Variants in NGEF observed in about 807,000 individuals in gnomAD.
NGEF encodes neuronal guanine nucleotide exchange factor.
In NGEF, 31 loss-of-function variants were observed where a neutral mutation model predicts 80.9. The observed-to-expected ratio is 0.38, with a 90% CI of 0.29 to 0.52. NGEF has a LOEUF of 0.52. Ranked by LOEUF, NGEF falls within the 20% of genes least tolerant of loss-of-function variation. The pLI, the probability that NGEF is intolerant of heterozygous loss-of-function variation, is 0.84. For missense variants in NGEF, 709 were observed against 926.2 expected (o/e 0.77, Z 3.04); for synonymous variants, 371 against 370.2 (o/e 1.00, Z -0.03).
chr2:232,994,079 T>C (rs1694727431), intron 1 of NGEF, among the ~76,000 whole-genome samples: 1 of 152,112 alleles, frequency 6.6e-6, no homozygotes, highest in South Asian at 2.1e-4. Flanking sequence ...CCCAATAAAA[T>C]TGATATTAGG....
intron 3 of NGEF, among the ~76,000 whole-genome samples, chr2:232,951,804 T>G (rs1032772068): frequency 6.6e-6 from 1 of 152,218 alleles, no homozygotes; most frequent in African/African-American, 2.4e-5. Flanking sequence ...CATGGGTTCT[T>G]GTACTGCATG....
intron 5 of NGEF, among the ~76,000 whole-genome samples, chr2:232,911,002 A>G (rs1021146781): frequency 6.6e-6 from 1 of 152,236 alleles, no homozygotes; most frequent in Non-Finnish European, 1.5e-5. Context: ...AACTCTGATC[A>G]AGACCAACTG....
intron 3 of NGEF, among the ~76,000 whole-genome samples, chr2:232,942,524 C>G (rs1042367757): frequency 6.6e-6 from 1 of 152,212 alleles, no homozygotes; most frequent in African/African-American, 2.4e-5. Flanking sequence ...ACGTAAATCT[C>G]TCTTTCCTAC....
intron 5 of NGEF, chr2:232,905,758 T>C (rs9752212): frequency 0.77 from 279,251 of 363,654 alleles, 108,149 homozygotes; most frequent in African/African-American, 0.83. Context: ...CCCACCGCCC[T>C]GTCTGGGATG....
intron 9 of NGEF, among the ~76,000 whole-genome samples, chr2:232,886,957 C>T (rs1410363044): frequency 1.3e-5 from 2 of 152,172 alleles, no homozygotes; most frequent in Non-Finnish European, 2.9e-5. Flanking sequence ...CTAGGCACAG[C>T]GTGTAACTGC....
chr2:232,901,514 T>C (rs1346515183), intron 5 of NGEF: 2 of 890,196 alleles, frequency 2.2e-6, no homozygotes, highest in Non-Finnish European at 2.7e-6. Context: ...TTGTTGCAGC[T>C]GCGTCACCAG....
intron 8 of NGEF, among the ~76,000 whole-genome samples, chr2:232,889,093 C>T (rs955839039): frequency 6.6e-6 from 1 of 152,194 alleles, no homozygotes; most frequent in Non-Finnish European, 1.5e-5. Flanking sequence ...CCCGCCTCTG[C>T]CTGGCAGCCA....
intron 5 of NGEF, among the ~76,000 whole-genome samples, chr2:232,919,783 A>G (rs2106275361): frequency 6.6e-6 from 1 of 152,324 alleles, no homozygotes; most frequent in Middle Eastern, 3.4e-3. Context: ...TTTCTGCAGC[A>G]TTTCAGGAGC....
intron 8 of NGEF, among the ~76,000 whole-genome samples, chr2:232,888,484 C>T (rs1559192712): frequency 6.6e-6 from 1 of 152,000 alleles, no homozygotes; most frequent in Non-Finnish European, 1.5e-5. Flanking sequence ...AGTGCACACA[C>T]ATGTACACAC....
At chr2:233,003,367 T>A (rs971699751) in intron 1 of NGEF, among the ~76,000 whole-genome samples, 8 of 152,162 alleles carry the variant, frequency 5.3e-5, no homozygotes, top group East Asian at 1.9e-4. Flanking sequence ...TTCTGATCCT[T>A]CCTGAATTCT....
intron 1 of NGEF, among the ~76,000 whole-genome samples, chr2:232,975,186 C>T (rs1196954368): frequency 6.6e-6 from 1 of 152,170 alleles, no homozygotes; most frequent in Non-Finnish European, 1.5e-5. Context: ...TCCTAAGAGG[C>T]ACTTTTAGGG....
intron 5 of NGEF, among the ~76,000 whole-genome samples, chr2:232,915,867 T>C (rs1395204075): frequency 6.6e-6 from 1 of 152,038 alleles, no homozygotes; most frequent in Non-Finnish European, 1.5e-5. Context: ...ATTTTTGTAT[T>C]TTTAGTAGAG....
chr2:232,902,361 A>T lies in NGEF; in HGVS notation c.829-7445T>A, dbSNP rs1407409274. ...GCCCGAGCCCAGCCCGCTGCAGCGC[A>T]GTCTTTAGTGAATTCGAGGCCGGAC... On this transcript the variant is annotated intron_variant, in intron 5 of 14. Transcript: ENST00000264051. 3.9e-5 allele frequency among the ~76,000 whole-genome samples: 6 copies of T among 152,206 alleles called. No homozygotes were observed. In the East Asian group the frequency reaches 1.2e-3, roughly 29 times the overall value.
intron 5 of NGEF, among the ~76,000 whole-genome samples, chr2:232,897,713 G>C (rs777019833): frequency 1.1e-4 from 16 of 152,238 alleles, no homozygotes; most frequent in Non-Finnish European, 1.9e-4. Flanking sequence ...CCCAGTGTCT[G>C]CACCTCACTT....
chr2:232,968,429 G>A (rs1442385753), intron 3 of NGEF, among the ~76,000 whole-genome samples: 35 of 148,064 alleles, frequency 2.4e-4, no homozygotes, highest in Non-Finnish European at 3.3e-4. Context: ...TTTTTGAGAC[G>A]GAGTCTCGCT....
chr2:232,988,036 CGTGTGTGTGTGTGTGTGT>C lies in NGEF; in HGVS notation c.-74-13090_-74-13073del, dbSNP rs57143286. Among the ~76,000 whole-genome samples, 906 of 140,358 alleles carry C rather than the reference CGTGTGTGTGTGTGTGTGT, an allele frequency of 6.5e-3. 16 individuals carry two copies. The highest frequency in any genetic ancestry group is 0.022 in the African/African-American group (860 of 38,352). The allele number at this position is 140,358 out of a possible 152,430, so 92.1% of individuals were successfully genotyped here. Reference sequence around the variant, plus strand: ...GTCACCCTTCTGGAAGGGATGGTCTCGTGTGTGTGTGTGTGTGTGTGTGTGTGTGTGTGTGTGTGTGTG... The same window carrying C: ...GTCACCCTTCTGGAAGGGATGGTCTCGTGTGTGTGTGTGTGTGTGTGTGTG... On this transcript the variant is annotated intron_variant, in intron 1 of 14. Coordinates refer to ENST00000264051, the MANE Select transcript of NGEF (RefSeq NM_019850.3).
intron 1 of NGEF, among the ~76,000 whole-genome samples, chr2:233,007,698 T>C (rs10933424): frequency 0.1 from 15,204 of 152,254 alleles, 821 homozygotes; most frequent in Non-Finnish European, 0.11. Flanking sequence ...TGATTTTAGA[T>C]TGAGCATCCA....
Position 232,919,144 on chromosome 2 carries a change from A to C in NGEF, c.828+1140T>G, listed in dbSNP as rs141296884. On this transcript the variant is annotated intron_variant, in intron 5 of 14. Coordinates refer to ENST00000264051, the MANE Select transcript of NGEF (RefSeq NM_019850.3). ...CCATTCATCGCAAAACCCAAGTCTCAGGTATATGATGCTGGTCAGGAACAA... is the reference window on the plus strand; with the variant it reads ...CCATTCATCGCAAAACCCAAGTCTCCGGTATATGATGCTGGTCAGGAACAA... Among the ~76,000 whole-genome samples, 595 of 152,306 alleles carry C rather than the reference A, an allele frequency of 3.9e-3. 3 individuals are homozygous for C. Among genetic ancestry groups the C allele is most frequent in the African/African-American group, 0.014 (575 of 41,556 alleles).
At chr2:232,962,936 T>A (rs184610674) in intron 3 of NGEF, among the ~76,000 whole-genome samples, 8 of 152,088 alleles carry the variant, frequency 5.3e-5, no homozygotes, top group African/African-American at 1.7e-4. Flanking sequence ...CCTTGTGGAA[T>A]GACTAAGTCA....
Sources: gnomAD v4.1 joint callset for allele counts (sites outside exome capture counted in the v4.1 genomes callset) on GRCh38, gnomAD v4.1.1 for gene constraint, MANE v1.5 for transcripts, NCBI Gene and HGNC (gene_info 2026-07-23, HGNC 2026-07-21) for gene names.